Variants in MYO10 observed in about 807,000 individuals in gnomAD.
The protein encoded by MYO10 is myosin X, also known as unconventional myosin-X.
Under a neutral mutation model 257.3 loss-of-function variants are expected in MYO10, and 133 were observed. The ratio of observed to expected loss-of-function variants is 0.52; its 90% CI spans 0.45 to 0.60. The LOEUF (loss-of-function observed/expected upper bound fraction) is 0.60. Ranked by LOEUF, MYO10 falls within the 20% of genes least tolerant of loss-of-function variation. The pLI is 0.00. For synonymous variants in MYO10, 1,104 were observed against 1,028.6 expected, an observed-to-expected ratio of 1.07 and a Z score of -1.40; for missense variants, 2,399 against 2,635.7, an observed-to-expected ratio of 0.91 and a Z score of 1.97.
At chr5:16,731,982 AG>A (rs1739601695) in intron 19 of MYO10, among the ~76,000 whole-genome samples, 1 of 152,160 alleles carries the variant, frequency 6.6e-6, no homozygotes, top group Non-Finnish European at 1.5e-5. Context: ...GAAATTCTGA[AG>A]GGGGTTCATG....
rs1444901962 is a variant in MYO10 at position 16,683,943 on chromosome 5, A to C, written c.3991-8T>G. The C allele has an allele frequency of 6.2e-7, 1 of 1,612,772 alleles. No individual in the cohort carries two copies. Among genetic ancestry groups the C allele is most frequent in the East Asian group, 2.2e-5 (1 of 44,864 alleles). On this transcript the variant is annotated splice_region_variant and splice_polypyrimidine_tract_variant and intron_variant, in intron 29 of 40. Coordinates refer to ENST00000513610, the MANE Select transcript of MYO10 (RefSeq NM_012334.3). Reference sequence around the variant, plus strand: ...CCCCACATCCAAGGTGCCCTGGAAAAGAACAAAAAGTAAACAGAATGAGAG... The same window carrying C: ...CCCCACATCCAAGGTGCCCTGGAAACGAACAAAAAGTAAACAGAATGAGAG...
At chr5:16,884,285 C>G (rs996828665) in intron 1 of MYO10, among the ~76,000 whole-genome samples, 1 of 152,010 alleles carries the variant, frequency 6.6e-6, no homozygotes, top group Non-Finnish European at 1.5e-5. Context: ...GTCTCAGCTA[C>G]TTGGGAGGCT....
chr5:16,764,793 A>C (rs2126652719), intron 11 of MYO10, among the ~76,000 whole-genome samples: 1 of 152,206 alleles, frequency 6.6e-6, no homozygotes, highest in East Asian at 1.9e-4. Context: ...GGTTCAAGCG[A>C]TTCTCCTGCT....
chr5:16,836,865 A>G (rs1402863498), intron 2 of MYO10, among the ~76,000 whole-genome samples: 1 of 152,100 alleles, frequency 6.6e-6, no homozygotes, highest in African/African-American at 2.4e-5. Flanking sequence ...AAAAATAAAA[A>G]CGTATGTCCA....
At chr5:16,891,361 A>AGAG (rs202002539) in intron 1 of MYO10, among the ~76,000 whole-genome samples, 2 of 77,524 alleles carry the variant, frequency 2.6e-5, no homozygotes, top group African/African-American at 1.2e-4. Context: ...GGAAGGAAGG[A>AGAG]AGGAAGGAAG....
chr5:16,923,734 G>A (rs2434960), intron 1 of MYO10, among the ~76,000 whole-genome samples: 69,298 of 150,764 alleles, frequency 0.46, 16,333 homozygotes, highest in African/African-American at 0.56. Flanking sequence ...GAACCACCAC[G>A]ACATAGTAAC....
intron 3 of MYO10, chr5:16,815,306 C>A: frequency 1.7e-6 from 1 of 590,862 alleles, no homozygotes; most frequent in Non-Finnish European, 3.0e-6. Context: ...TATTTGCATA[C>A]TATGTACTGG....
At chr5:16,846,715 A>G (rs1463024653) in intron 2 of MYO10, among the ~76,000 whole-genome samples, 2 of 152,240 alleles carry the variant, frequency 1.3e-5, no homozygotes, top group African/African-American at 4.8e-5. Context: ...TATTTACAAC[A>G]TCGGACACAT....
At chr5:16,805,470 AAAAAAAAAAAG>A (rs1452119009) in intron 3 of MYO10, among the ~76,000 whole-genome samples, 47 of 151,328 alleles carry the variant, frequency 3.1e-4, no homozygotes, top group Non-Finnish European at 6.6e-4. Context: ...AAAAAAAAAA[AAAAAAAAAAAG>A]AAAAGAAAAA....
Position 16,758,171 on chromosome 5 carries a change from T to C in MYO10, c.1795A>G (p.Thr599Ala). Residue 599 changes from threonine (T) to alanine (A), a missense_variant, in exon 18 of 41, where the codon ACC becomes GCC. By Grantham distance (58) the Thr-to-Ala change is moderately conservative. This residue lies in a region of MYO10 where 1,820 missense variants were observed against 1,939.4 expected (regional missense o/e 0.94). Coordinates refer to ENST00000513610, the MANE Select transcript of MYO10 (RefSeq NM_012334.3). Reference protein sequence around the residue: ...EHVSSRNNQDTLKCGSKHRRP... With the variant: ...EHVSSRNNQDALKCGSKHRRP... ...CGATGTTTGCTTCCACATTTCAAGG[T>C]ATCCTGGTTGTTGCGGCTTGAAACA... is the stretch of plus-strand genomic sequence containing the variant. 1 of 1,613,852 alleles carries C rather than the reference T, an allele frequency of 6.2e-7. No individual in the cohort carries two copies. Among genetic ancestry groups the C allele is most frequent in the Non-Finnish European group, 8.5e-7 (1 of 1,179,754 alleles).
intron 30 of MYO10, among the ~76,000 whole-genome samples, chr5:16,682,257 T>G (rs1737042191): frequency 6.6e-6 from 1 of 152,204 alleles, no homozygotes; most frequent in African/African-American, 2.4e-5. Flanking sequence ...AAACATTTCT[T>G]CATGCAAAAC....
intron 19 of MYO10, among the ~76,000 whole-genome samples, chr5:16,719,789 C>T (rs1406543716): frequency 6.6e-6 from 1 of 152,020 alleles, no homozygotes; most frequent in African/African-American, 2.4e-5. Context: ...CATGGAGAAA[C>T]CCCATCTCTA....
intron 1 of MYO10, among the ~76,000 whole-genome samples, chr5:16,878,501 A>G (rs1645635999): frequency 6.6e-6 from 1 of 152,180 alleles, no homozygotes. Context: ...CCACTGGACA[A>G]ATGAAATATC....
In MYO10 at chr5:16,834,450, T is replaced by C. The variant is rs113128605; in HGVS notation, c.121-16283A>G. On this transcript the variant is annotated intron_variant, in intron 2 of 40. Transcript: ENST00000513610. Reference sequence around the variant, plus strand: ...TGCTGAGGACCCCCTCTCACCACCCTCGTATGGATCAATCTGTGGGGACCA... The same window carrying C: ...TGCTGAGGACCCCCTCTCACCACCCCCGTATGGATCAATCTGTGGGGACCA... Among the ~76,000 whole-genome samples, 770 of 152,262 alleles carry C rather than the reference T, an allele frequency of 5.1e-3. 14 individuals carry two copies. Among genetic ancestry groups the C allele is most frequent in the African/African-American group, 0.017 (725 of 41,548 alleles).
Position 16,713,256 on chromosome 5 carries a change from G to A in MYO10, c.1930-2011C>T, listed in dbSNP as rs527615087. ...CAAAGTCTGTACAATTCCCCAGTCC[G>A]AAGCTCGAGTTATTAAAACTAAAGA... On this transcript the variant is annotated intron_variant, in intron 19 of 40. Coordinates refer to ENST00000513610, the MANE Select transcript of MYO10 (RefSeq NM_012334.3). 5.2e-5 allele frequency: 49 copies of A among 941,638 alleles called. No homozygotes were observed. In the African/African-American group the frequency reaches 6.9e-4, roughly 13 times the overall value. 58.3% of individuals were successfully genotyped at this position (941,638 alleles called of 1,614,324 possible).
Position 16,754,888 on chromosome 5 carries a change from C to G in MYO10, c.1869G>C (p.Met623Ile), listed in dbSNP as rs1740483179. ...AAGGATTAGAGGAGCTTAGCGTTGC[C>G]ATTAAGGAATGCAGTGAGTCCTATT... ...SQFKDSLHSL[M>I]ATLSSSNPFF... Residue 623 changes from methionine to isoleucine, a missense_variant, in exon 19 of 41, where the codon ATG becomes ATC. By Grantham distance (10) the Met-to-Ile change is conservative. This residue lies in a region of MYO10 where 1,820 missense variants were observed against 1,939.4 expected (regional missense o/e 0.94). Transcript: ENST00000513610. 1.2e-6 allele frequency: 2 copies of G among 1,600,144 alleles called. No homozygotes were observed. Among genetic ancestry groups the G allele is most frequent in the Admixed American group, 1.7e-5 (1 of 59,236 alleles).
At chr5:16,739,266 T>G in intron 19 of MYO10, among the ~76,000 whole-genome samples, 1 of 152,064 alleles carries the variant, frequency 6.6e-6, no homozygotes, top group East Asian at 1.9e-4. Context: ...CATTTTAAAC[T>G]TCATTTATTT....
intron 1 of MYO10, among the ~76,000 whole-genome samples, chr5:16,906,501 C>T (rs1324946737): frequency 6.6e-6 from 1 of 152,152 alleles, no homozygotes; most frequent in Non-Finnish European, 1.5e-5. Context: ...GAGAAACCAC[C>T]ACTCTAGAGA....
Position 16,821,923 on chromosome 5 carries a change from A to G in MYO10, c.121-3756T>C, listed in dbSNP as rs201771869. Among the ~76,000 whole-genome samples, 9 of 18,342 alleles carry G rather than the reference A, an allele frequency of 4.9e-4. No individual in the cohort carries two copies. The East Asian group carries it at 0.01, about 20-fold the overall frequency. 12.0% of individuals were successfully genotyped at this position (18,342 alleles called of 152,430 possible). On this transcript the variant is annotated intron_variant, in intron 2 of 40. Coordinates refer to ENST00000513610, the MANE Select transcript of MYO10 (RefSeq NM_012334.3). ...AAAACAGAAGGCTAGGAAGAGGGGG[A>G]AAAAAAAAAGCATTATTTCAAGATA... is the stretch of plus-strand genomic sequence containing the variant.
Sources: allele counts gnomAD v4.1 joint callset (sites outside exome capture counted in the v4.1 genomes callset), GRCh38; gene constraint gnomAD v4.1.1; regional missense constraint gnomAD v4.1.1; transcripts MANE v1.5; gene names NCBI Gene and HGNC (gene_info 2026-07-23, HGNC 2026-07-21).